Variants in SOX5 observed in about 807,000 individuals in gnomAD.
SOX5 encodes transcription factor SOX-5.
In SOX5, 9 loss-of-function variants were observed where a neutral mutation model predicts 92.0. The ratio of observed to expected loss-of-function variants is 0.10; its 90% confidence interval spans 0.06 to 0.17. The LOEUF is 0.17. Among genes scored for constraint, SOX5 ranks in the 10% least tolerant of loss-of-function variants. SOX5 has a pLI of 1.00. For missense variants in SOX5, 642 were observed against 944.5 expected (o/e 0.68, Z 4.20); for synonymous variants, 344 against 336.3 (o/e 1.02, Z -0.25).
intron 4 of SOX5, among the ~76,000 whole-genome samples, chr12:24,002,910 A>G (rs1951756327): frequency 1.5e-5 from 2 of 134,664 alleles, no homozygotes; most frequent in African/African-American, 5.2e-5. Flanking sequence ...TCATGTATAT[A>G]GACACAAAAA....
intron 1 of SOX5, among the ~76,000 whole-genome samples, chr12:24,422,080 A>G (rs1345524890): frequency 2.0e-5 from 3 of 152,198 alleles, no homozygotes; most frequent in Non-Finnish European, 4.4e-5. Flanking sequence ...AAAACCCAAG[A>G]ATAGCAAGGT....
intron 2 of SOX5, among the ~76,000 whole-genome samples, chr12:24,329,348 C>T (rs1036461435): frequency 7.2e-5 from 11 of 152,036 alleles, no homozygotes; most frequent in South Asian, 4.2e-4. Context: ...TCTTACATGG[C>T]GGCAGGCGAG....
intron 3 of SOX5, among the ~76,000 whole-genome samples, chr12:23,824,415 C>T (rs566732305): frequency 6.6e-6 from 1 of 152,204 alleles, no homozygotes; most frequent in Non-Finnish European, 1.5e-5. Flanking sequence ...GGGGTCCACT[C>T]CAGACCCTGT....
chr12:23,532,784 CT>C lies in SOX5; in HGVS notation c.*1434del, dbSNP rs1329538297. On this transcript the variant is annotated 3_prime_UTR_variant, in exon 15 of 15. Transcript: ENST00000451604. Reference sequence around the variant, plus strand: ...CACTTCATGGAGGGGTGAAAAATACCTTATAAAATCATCAGTTTCATTTCCT... The same window carrying C: ...CACTTCATGGAGGGGTGAAAAATACCTATAAAATCATCAGTTTCATTTCCT... 1 of 159,986 alleles carries C rather than the reference CT, an allele frequency of 6.3e-6. No individual in the cohort carries two copies. Among genetic ancestry groups the C allele is most frequent in the African/African-American group, 2.4e-5 (1 of 41,550 alleles). The allele number at this position is 159,986 out of a possible 1,614,324, so 9.9% of individuals were successfully genotyped here. A position where few individuals can be genotyped will look rare whatever the true frequency, so the allele number is the denominator to read the frequency against.
chr12:24,434,558 T>C (rs1249767757), intron 1 of SOX5, among the ~76,000 whole-genome samples: 1 of 152,168 alleles, frequency 6.6e-6, no homozygotes, highest in Non-Finnish European at 1.5e-5. Flanking sequence ...TGAAATGTTT[T>C]CCCTAGGGCT....
intron 1 of SOX5, among the ~76,000 whole-genome samples, chr12:23,940,008 C>T (rs1460887576): frequency 1.3e-5 from 2 of 150,956 alleles, no homozygotes; most frequent in Admixed American, 1.3e-4. Flanking sequence ...GTCCATAGCC[C>T]CTGTGCTGTA....
At chr12:24,547,308 C>CA (rs1395910011) in intron 1 of SOX5, among the ~76,000 whole-genome samples, 1 of 151,208 alleles carries the variant, frequency 6.6e-6, no homozygotes, top group Non-Finnish European at 1.5e-5. Flanking sequence ...TCTCCTGCCT[C>CA]AGCCTCCCGA....
intron 3 of SOX5, among the ~76,000 whole-genome samples, chr12:23,775,943 G>C (rs911301985): frequency 6.6e-6 from 1 of 152,154 alleles, no homozygotes; most frequent in Non-Finnish European, 1.5e-5. Flanking sequence ...TTTTTTCCAA[G>C]GACTGTGGGC....
intron 1 of SOX5, among the ~76,000 whole-genome samples, chr12:24,529,892 C>T (rs536532034): frequency 1.2e-3 from 177 of 151,978 alleles, no homozygotes; most frequent in African/African-American, 4.0e-3. Flanking sequence ...TGGTGGCGGG[C>T]GCCTGTAGTC....
In SOX5 at chr12:24,379,375, C is replaced by T. The variant is rs148679283; in HGVS notation, c.-250-10736G>A. Among the ~76,000 whole-genome samples, 14 of 152,258 alleles carry T rather than the reference C, an allele frequency of 9.2e-5. No homozygotes were observed. In the East Asian group the frequency reaches 1.3e-3, roughly 15 times the overall value. Reference sequence around the variant, plus strand: ...GTTTTAGAATGTTTCAGGCTGGTTACGTATTTCAATCATTCTGAAGAAGAC... The same window carrying T: ...GTTTTAGAATGTTTCAGGCTGGTTATGTATTTCAATCATTCTGAAGAAGAC... On this transcript the variant is annotated intron_variant, in intron 1 of 4. Coordinates refer to the SOX5 transcript ENST00000446891.
intron 6 of SOX5, among the ~76,000 whole-genome samples, chr12:23,732,347 T>C (rs12824400): frequency 0.14 from 20,688 of 152,206 alleles, 1,524 homozygotes; most frequent in Middle Eastern, 0.23. Context: ...AATCTCGCAG[T>C]AGACTAAACA....
chr12:23,582,193 C>T, intron 9 of SOX5: 1 of 985,288 alleles, frequency 1.0e-6, no homozygotes, highest in Non-Finnish European at 1.2e-6. Context: ...CTCATCCTTT[C>T]TCTTTCGTCT....
intron 2 of SOX5, among the ~76,000 whole-genome samples, chr12:23,885,358 A>G (rs1313431192): frequency 2.6e-5 from 4 of 152,184 alleles, no homozygotes; most frequent in Admixed American, 6.5e-5. Context: ...CATCTTTTTC[A>G]TATCCTATCT....
intron 2 of SOX5, among the ~76,000 whole-genome samples, chr12:24,280,245 G>A (rs1191249473): frequency 6.6e-6 from 1 of 152,178 alleles, no homozygotes; most frequent in African/African-American, 2.4e-5. Context: ...ATACTAAAGT[G>A]CAGCACGAGG....
intron 3 of SOX5, among the ~76,000 whole-genome samples, chr12:23,792,360 C>T (rs2095488803): frequency 6.6e-6 from 1 of 151,906 alleles, no homozygotes; most frequent in Admixed American, 6.6e-5. Flanking sequence ...CACAGTGGCT[C>T]ATGACTGTAA....
intron 6 of SOX5, among the ~76,000 whole-genome samples, chr12:23,723,577 T>C (rs979653093): frequency 6.1e-5 from 9 of 148,322 alleles, no homozygotes; most frequent in South Asian, 4.2e-4. Context: ...TATATATATA[T>C]ATATACACAC....
Position 23,792,604 on chromosome 12 carries a change from T to C in SOX5, c.482-36880A>G, listed in dbSNP as rs140678050. On this transcript the variant is annotated intron_variant, in intron 3 of 14. Coordinates refer to ENST00000451604, the MANE Select transcript of SOX5 (RefSeq NM_006940.6). Reference sequence around the variant, plus strand: ...TACCATTGCACTGCAGCCTGGGCAATAGAGTGAGGCTCTGTCTCAAAAAAA... The same window carrying C: ...TACCATTGCACTGCAGCCTGGGCAACAGAGTGAGGCTCTGTCTCAAAAAAA... Among the ~76,000 whole-genome samples the C allele has an allele frequency of 4.4e-3, 467 of 104,956 alleles. 1 individual carries two copies. The highest frequency in any genetic ancestry group is 0.012 in the Middle Eastern group (1 of 86). 68.9% of individuals were successfully genotyped at this position (104,956 alleles called of 152,430 possible). A position where few individuals can be genotyped will look rare whatever the true frequency, so the allele number is the denominator to read the frequency against.
intron 2 of SOX5, among the ~76,000 whole-genome samples, chr12:23,849,423 A>C (rs148691194): frequency 2.9e-3 from 436 of 152,290 alleles, no homozygotes; most frequent in Non-Finnish European, 3.6e-3. Context: ...TATAATTTCC[A>C]TTTCATAGCT....
intron 1 of SOX5, among the ~76,000 whole-genome samples, chr12:24,449,320 C>A (rs1016587868): frequency 2.0e-5 from 3 of 152,220 alleles, no homozygotes; most frequent in African/African-American, 7.2e-5. Flanking sequence ...ATGCTCCAAC[C>A]ACATTAGTCT....
Sources: gnomAD v4.1 joint callset for allele counts (sites outside exome capture counted in the v4.1 genomes callset) on GRCh38, gnomAD v4.1.1 for gene constraint, MANE v1.5 for transcripts, NCBI Gene and HGNC (gene_info 2026-07-23, HGNC 2026-07-21) for gene names.